GTSE1: variants seen among roughly 807,000 people sequenced by gnomAD.
GTSE1 encodes G2 and S phase-expressed protein 1.
In GTSE1, 52 loss-of-function variants were observed where a neutral mutation model predicts 60.5. That is an observed-to-expected ratio of 0.86 (90% CI 0.69 to 1.08). The LOEUF (loss-of-function observed/expected upper bound fraction) is 1.08. Ranked by LOEUF, GTSE1 falls within the 50% of genes least tolerant of loss-of-function variation. The pLI is 0.00. For synonymous variants in GTSE1, 368 were observed against 386.5 expected, an observed-to-expected ratio of 0.95 and a Z score of 0.56; for missense variants, 937 against 961.8, an observed-to-expected ratio of 0.97 and a Z score of 0.34.
At chr22:46,303,137 T>A (rs2077698539) in intron 2 of GTSE1, among the ~76,000 whole-genome samples, 1 of 151,482 alleles carries the variant, frequency 6.6e-6, no homozygotes, top group African/African-American at 2.4e-5. Context: ...CCTGACCTTG[T>A]GATCCACCCT....
chr22:46,306,414 C>T (rs1481834283), intron 2 of GTSE1, among the ~76,000 whole-genome samples: 1 of 151,860 alleles, frequency 6.6e-6, no homozygotes, highest in Non-Finnish European at 1.5e-5. Context: ...ATCTCCTGAC[C>T]TCGTGATCCG....
At chr22:46,326,842 T>C in intron 9 of GTSE1, 188 bp downstream of exon 9, 1 of 526,642 alleles carries the variant, frequency 1.9e-6, no homozygotes, top group East Asian at 3.2e-5. Context: ...AAATTAAAGG[T>C]ATTACAAGGA....
intron 7 of GTSE1, among the ~76,000 whole-genome samples, chr22:46,322,612 C>A (rs2077819836): frequency 6.6e-6 from 1 of 152,184 alleles, no homozygotes. Flanking sequence ...TAACTGGTGA[C>A]CCCTTTGCCC....
At position 46,308,470 on chromosome 22, in the gene GTSE1, A is replaced by G. The variant is rs760434191; in HGVS notation, c.289A>G (p.Lys97Glu). The G allele has an allele frequency of 1.2e-6, 2 of 1,614,140 alleles. No individual in the cohort carries two copies. Among genetic ancestry groups the G allele is most frequent in the East Asian group, 4.5e-5 (2 of 44,882 alleles). The change falls in exon 4 of 12, where the codon AAG becomes GAG. Residue 97 changes from lysine (K) to glutamate (E), a missense_variant. Coordinates refer to ENST00000454366, the MANE Select transcript of GTSE1 (RefSeq NM_016426.7). ...TGCCTGGAGCCCTCTGGCCGGGGAG[A>G]AGTTCGTGGAGGTGTACAAAGAAGC... ...PFAWSPLAGE[K>E]FVEVYKEAHL...
chr22:46,306,500 A>C (rs2077716156), intron 2 of GTSE1, among the ~76,000 whole-genome samples: 1 of 150,496 alleles, frequency 6.6e-6, no homozygotes, highest in South Asian at 2.1e-4. Flanking sequence ...TTGTTTTCTG[A>C]GACAGAGTCT....
Position 46,329,051 on chromosome 22 carries a change from T to A in GTSE1, c.1926+162T>A, listed in dbSNP as rs997797756. On this transcript the variant is annotated intron_variant, in intron 10 of 11. Transcript: ENST00000454366. This position sits in a 1 kb window ranked among gnomAD's most constrained non-coding sequence, Gnocchi z 6.4. ...CAACCCAAAGGGAGGCAGTCAGGAC[T>A]TCCAGGCCTCCAGGGGAGAAAGCCC... is the stretch of plus-strand genomic sequence containing the variant. 11 of 637,868 alleles carry A rather than the reference T, an allele frequency of 1.7e-5. No individual in the cohort carries two copies. The African/African-American group carries it at 2.0e-4, about 12-fold the overall frequency. The allele number at this position is 637,868 out of a possible 1,614,324, so 39.5% of individuals were successfully genotyped here.
intron 2 of GTSE1, among the ~76,000 whole-genome samples, chr22:46,303,048 T>C (rs9626852): frequency 0.036 from 5,496 of 152,018 alleles, 338 homozygotes; most frequent in African/African-American, 0.13. Flanking sequence ...TACAGGCACC[T>C]GCCACCACAC....
rs548235373 is a variant in GTSE1, at chr22:46,324,569, G to A, written c.1505+1307G>A. On this transcript the variant is annotated intron_variant, in intron 8 of 11. Transcript: ENST00000454366. This position sits in a 1 kb window ranked among gnomAD's most constrained non-coding sequence, Gnocchi z 5.2. ...TTTTTAGTAGAGACGGGGTTTCACC[G>A]TGTTAGCCAGGATGGTCTCGATCTC... Among the ~76,000 whole-genome samples the A allele has an allele frequency of 1.1e-4, 17 of 152,174 alleles. No homozygotes were observed. In the South Asian group the frequency reaches 1.7e-3, roughly 15 times the overall value.
chr22:46,325,024 G>A (rs715515), intron 8 of GTSE1, among the ~76,000 whole-genome samples: 10,764 of 152,074 alleles, frequency 0.071, 535 homozygotes, highest in Non-Finnish European at 0.11. Context: ...ACGTTCTATC[G>A]ACTATGTAGC....
At position 46,330,141 on chromosome 22, in the gene GTSE1, A is replaced by G; in HGVS notation, c.*11A>G. On this transcript the variant is annotated 3_prime_UTR_variant, in exon 12 of 12. Transcript: ENST00000454366. The surrounding 1 kb of genome is among the most constrained non-coding windows in gnomAD (Gnocchi z 6.0). The stretch of plus-strand genomic sequence containing the variant: ...CTCCTCAAGTTCTAAGCCGAACCAA[A>G]TCCTTTGCCTTGAAAGAACAGCCCT... The G allele has an allele frequency of 6.5e-7, 1 of 1,547,086 alleles. No homozygotes were observed. Among genetic ancestry groups the G allele is most frequent in the Non-Finnish European group, 8.9e-7 (1 of 1,118,730 alleles).
In GTSE1 at chr22:46,324,623, T is replaced by A. The variant is rs1000228756; in HGVS notation, c.1505+1361T>A. On this transcript the variant is annotated intron_variant, in intron 8 of 11. Coordinates refer to ENST00000454366, the MANE Select transcript of GTSE1 (RefSeq NM_016426.7). The surrounding 1 kb of genome is among the most constrained non-coding windows in gnomAD (Gnocchi z 5.2). ...GCCTCGTGATCCACCAGCCTTGGCC[T>A]CGCAAAGTGCTGGGATTACAGGTGT... is the stretch of plus-strand genomic sequence containing the variant. Among the ~76,000 whole-genome samples the A allele has an allele frequency of 6.6e-6, 1 of 152,174 alleles. No homozygotes were observed. Among genetic ancestry groups the A allele is most frequent in the African/African-American group, 2.4e-5 (1 of 41,444 alleles).
rs1427332540 is a variant in GTSE1 at position 46,304,148 on chromosome 22, C to A, written c.80-4002C>A. ...GGGACTACAGGTATATGGCACCATA[C>A]CCCGCTCATTTTTTTTTTTCTTTTT... On this transcript the variant is annotated intron_variant, in intron 2 of 11. Transcript: ENST00000454366. This position sits in a 1 kb window ranked among gnomAD's most constrained non-coding sequence, Gnocchi z 4.4. 1.3e-5 allele frequency among the ~76,000 whole-genome samples: 2 copies of A among 152,068 alleles called. No individual in the cohort carries two copies. The highest frequency in any genetic ancestry group is 2.1e-4 in the South Asian group (1 of 4,816).
In GTSE1 at chr22:46,316,399, T is replaced by C. The variant is rs760132472; in HGVS notation, c.1419T>C (p.Pro473=). Residue 473 remains proline, a synonymous_variant, in exon 7 of 12, where the codon CCT becomes CCC. Coordinates refer to ENST00000454366, the MANE Select transcript of GTSE1 (RefSeq NM_016426.7). This position sits in a 1 kb window ranked among gnomAD's most constrained non-coding sequence, Gnocchi z 5.0. The stretch of plus-strand genomic sequence containing the variant: ...CTCCTACAAATCAATTTAAAATTCC[T>C]AAGTTTTCTATTGGTGAGTAATAGA... The part of the protein sequence containing the change: ...MPTPTNQFKI[P]KFSIGDSPDS... 6.4e-7 allele frequency: 1 copy of C among 1,566,170 alleles called. No individual in the cohort carries two copies. The highest frequency in any genetic ancestry group is 1.1e-5 in the South Asian group (1 of 87,860).
intron 2 of GTSE1, among the ~76,000 whole-genome samples, chr22:46,305,571 T>C (rs1381103254): frequency 6.6e-6 from 1 of 150,710 alleles, no homozygotes; most frequent in African/African-American, 2.5e-5. Context: ...ATCACACCAC[T>C]GCACTCCAGC....
chr22:46,324,153 G>A lies in GTSE1; in HGVS notation c.1505+891G>A, dbSNP rs1424673620. On this transcript the variant is annotated intron_variant, in intron 8 of 11. Coordinates refer to ENST00000454366, the MANE Select transcript of GTSE1 (RefSeq NM_016426.7). This position sits in a 1 kb window ranked among gnomAD's most constrained non-coding sequence, Gnocchi z 5.2. ...TGACTCTGGGCTTTAGTTTCCTCCTGTGTGAGCTTGAGACACGCTTCGCGA... is the reference window on the plus strand; with the variant it reads ...TGACTCTGGGCTTTAGTTTCCTCCTATGTGAGCTTGAGACACGCTTCGCGA... 3.3e-5 allele frequency among the ~76,000 whole-genome samples: 5 copies of A among 152,118 alleles called. No individual in the cohort carries two copies. The highest frequency in any genetic ancestry group is 4.1e-4 in the South Asian group (2 of 4,836).
At chr22:46,326,890 C>T (rs61019677) in intron 9 of GTSE1, 36 of 420,140 alleles carry the variant, frequency 8.6e-5, no homozygotes, top group African/African-American at 7.3e-4. Flanking sequence ...AATTTGAAAA[C>T]CTAATGGTTT....
At chr22:46,298,153 G>A (rs145763800) in intron 2 of GTSE1, among the ~76,000 whole-genome samples, 4,234 of 151,234 alleles carry the variant, frequency 0.028, 75 homozygotes, top group African/African-American at 0.036. Context: ...AACAGAGACG[G>A]GGTTTTGCCA....
At chr22:46,301,254 G>T (rs1425717305) in intron 2 of GTSE1, among the ~76,000 whole-genome samples, 1 of 152,190 alleles carries the variant, frequency 6.6e-6, no homozygotes, top group Non-Finnish European at 1.5e-5. Context: ...CCACACCTGT[G>T]AGTGTCTGTA....
At chr22:46,312,821 G>A (rs1326227810) in intron 5 of GTSE1, among the ~76,000 whole-genome samples, 2 of 152,066 alleles carry the variant, frequency 1.3e-5, no homozygotes, top group Non-Finnish European at 2.9e-5. Context: ...GGGATATTCC[G>A]TTTCCCTCAT....
Sources: allele counts gnomAD v4.1 joint callset (sites outside exome capture counted in the v4.1 genomes callset), GRCh38; gene constraint gnomAD v4.1.1; non-coding constraint Gnocchi (gnomAD v3.1); transcripts MANE v1.5; gene names NCBI Gene and HGNC (gene_info 2026-07-23, HGNC 2026-07-21).